Variants in AHCYL2 observed in about 807,000 individuals in gnomAD.
The protein encoded by AHCYL2 is adenosylhomocysteinase like 2.
Under a neutral mutation model 81.4 loss-of-function variants are expected in AHCYL2, and 28 were observed. That is an observed-to-expected ratio of 0.34 (90% CI 0.25 to 0.47). The LOEUF (loss-of-function observed/expected upper bound fraction) is 0.47, where lower values mean the gene tolerates loss of function less well. AHCYL2 is among the 20% of genes least tolerant of loss of function. The probability of loss-of-function intolerance (pLI) is 1.00; values close to 1 mark genes in which losing one functional copy is unlikely to be tolerated. For missense variants in AHCYL2, 551 were observed against 785.1 expected (o/e 0.70, Z 3.56); for synonymous variants, 272 against 290.2 (o/e 0.94, Z 0.64).
chr7:129,248,594 A>G (rs976308750), intron 1 of AHCYL2, among the ~76,000 whole-genome samples: 11 of 148,312 alleles, frequency 7.4e-5, no homozygotes, highest in African/African-American at 2.7e-4. Flanking sequence ...GACTGTTGGA[A>G]TTGGGTAGTA....
intron 1 of AHCYL2, among the ~76,000 whole-genome samples, chr7:129,314,963 A>G (rs921649711): frequency 3.9e-5 from 6 of 152,054 alleles, no homozygotes; most frequent in African/African-American, 1.2e-4. Context: ...CTCCTGTTAG[A>G]TTAAGATACT....
chr7:129,326,479 T>A (rs886733024), intron 1 of AHCYL2, among the ~76,000 whole-genome samples: 1 of 151,932 alleles, frequency 6.6e-6, no homozygotes. Flanking sequence ...TGAGCTGAGA[T>A]CATGCCATTA....
intron 13 of AHCYL2, among the ~76,000 whole-genome samples, chr7:129,424,269 G>A (rs80138348): frequency 0.022 from 3,372 of 151,776 alleles, 43 homozygotes; most frequent in Non-Finnish European, 0.034. Flanking sequence ...GCATGGTGGC[G>A]CACACCTGTG....
chr7:129,299,293 A>C (rs1233406885), intron 1 of AHCYL2, among the ~76,000 whole-genome samples: 3 of 149,142 alleles, frequency 2.0e-5, no homozygotes, highest in Non-Finnish European at 4.5e-5. Context: ...AAAAAAAAAA[A>C]CAAAAAACTA....
At chr7:129,417,586 T>G (rs1796918366) in intron 12 of AHCYL2, among the ~76,000 whole-genome samples, 1 of 152,238 alleles carries the variant, frequency 6.6e-6, no homozygotes, top group Non-Finnish European at 1.5e-5. Context: ...CACTTCTCTT[T>G]GTGTTCTTCT....
chr7:129,314,100 C>T (rs980242993), intron 1 of AHCYL2, among the ~76,000 whole-genome samples: 2 of 152,152 alleles, frequency 1.3e-5, no homozygotes, highest in African/African-American at 4.8e-5. Context: ...CAGCAAATGA[C>T]ATGGAGTGAC....
intron 1 of AHCYL2, among the ~76,000 whole-genome samples, chr7:129,342,137 A>G (rs1793206918): frequency 6.6e-6 from 1 of 152,220 alleles, no homozygotes; most frequent in South Asian, 2.1e-4. Context: ...AGGAAATTAT[A>G]TGCAAAAGTA....
intron 5 of AHCYL2, among the ~76,000 whole-genome samples, chr7:129,397,980 A>G (rs1795824518): frequency 6.6e-6 from 1 of 152,246 alleles, no homozygotes. Context: ...TGTGTACCCC[A>G]GTGAATTGTA....
chr7:129,307,380 C>T lies in AHCYL2; in HGVS notation c.364-72258C>T, dbSNP rs140858354. Among the ~76,000 whole-genome samples, 778 of 151,866 alleles carry T rather than the reference C, an allele frequency of 5.1e-3. 11 individuals are homozygous for T. Among genetic ancestry groups the T allele is most frequent in the African/African-American group, 0.018 (744 of 41,326 alleles). On this transcript the variant is annotated intron_variant, in intron 1 of 16. Transcript: ENST00000325006. ...CAGGCAGAGGAGTCTCTTCCCATGTCCACCACCACCACCACAGGCCTATGA... is the reference window on the plus strand; with the variant it reads ...CAGGCAGAGGAGTCTCTTCCCATGTTCACCACCACCACCACAGGCCTATGA...
At chr7:129,408,268 G>A (rs943856678) in intron 10 of AHCYL2, among the ~76,000 whole-genome samples, 12 of 152,144 alleles carry the variant, frequency 7.9e-5, no homozygotes, top group Non-Finnish European at 1.5e-5. Flanking sequence ...AATGAGATTG[G>A]GCCAGGGGTT....
chr7:129,280,178 C>CTTTTTTTTTTTTTTTTTTT (rs59849233), intron 1 of AHCYL2, among the ~76,000 whole-genome samples: 2 of 112,556 alleles, frequency 1.8e-5, no homozygotes, highest in African/African-American at 3.1e-5. Context: ...TTGCTAAATA[C>CTTTTTTTTTTTTTTTTTTT]TTTTTTTTTT....
chr7:129,363,157 T>TA (rs1166796703), intron 1 of AHCYL2, among the ~76,000 whole-genome samples: 2 of 152,206 alleles, frequency 1.3e-5, no homozygotes, highest in Non-Finnish European at 2.9e-5. Flanking sequence ...CAGGAGCCGA[T>TA]ACAGTTTGCA....
At chr7:129,381,399 G>A (rs1794949080) in intron 2 of AHCYL2, among the ~76,000 whole-genome samples, 1 of 152,152 alleles carries the variant, frequency 6.6e-6, no homozygotes, top group African/African-American at 2.4e-5. Context: ...GCACATAGTG[G>A]CTTGGCATAG....
At chr7:129,354,624 A>G (rs965799079) in intron 1 of AHCYL2, among the ~76,000 whole-genome samples, 4 of 152,196 alleles carry the variant, frequency 2.6e-5, no homozygotes, top group African/African-American at 9.7e-5. Flanking sequence ...GACATTGAGT[A>G]AGACTTGCTC....
At chr7:129,269,185 C>CGAT (rs2150726094) in intron 1 of AHCYL2, among the ~76,000 whole-genome samples, 1 of 146,834 alleles carries the variant, frequency 6.8e-6, no homozygotes, top group South Asian at 2.1e-4. Flanking sequence ...TGGTGTGGCA[C>CGAT]GATGATGGCC....
At position 129,368,202 on chromosome 7, in the gene AHCYL2, G is replaced by A. The variant is rs922616628; in HGVS notation, c.364-11436G>A. 4 of 1,245,896 alleles carry A rather than the reference G, an allele frequency of 3.2e-6. No individual in the cohort carries two copies. In the African/African-American group the frequency reaches 6.1e-5, roughly 19 times the overall value. 77.2% of individuals were successfully genotyped at this position (1,245,896 alleles called of 1,614,324 possible). On this transcript the variant is annotated intron_variant, in intron 1 of 16. Transcript: ENST00000325006. The surrounding 1 kb of genome is among the most constrained non-coding windows in gnomAD (Gnocchi z 4.4). The stretch of plus-strand genomic sequence containing the variant: ...AGAGTGTTTGGGTAGCATTAAAACA[G>A]TGAGTGCCCTGTGAGAAGCACAGTG...
In AHCYL2 at chr7:129,397,264, T is replaced by TG; in HGVS notation, c.766dup (p.Ala256GlyfsTer11). 6.2e-7 allele frequency: 1 copy of TG among 1,614,194 alleles called. No individual in the cohort carries two copies. Among genetic ancestry groups the TG allele is most frequent in the Non-Finnish European group, 8.5e-7 (1 of 1,180,022 alleles). ...GGGTGCTCTGGGGGCCCAGTGCCGA[T>TG]GGGCTGCCTGCAACATCTATTCCAC... On this transcript the variant is annotated frameshift_variant, in exon 5 of 17. Coordinates refer to ENST00000325006, the MANE Select transcript of AHCYL2 (RefSeq NM_015328.4). LOFTEE classifies it high-confidence loss of function.
intron 1 of AHCYL2, among the ~76,000 whole-genome samples, chr7:129,336,637 C>T (rs938640370): frequency 2.0e-5 from 3 of 152,046 alleles, no homozygotes; most frequent in Non-Finnish European, 2.9e-5. Context: ...AAAAGAGTAG[C>T]GCCAATTCTT....
chr7:129,270,149 A>C, intron 1 of AHCYL2, among the ~76,000 whole-genome samples: 1 of 152,320 alleles, frequency 6.6e-6, no homozygotes, highest in Middle Eastern at 3.4e-3. Context: ...TTCCTTTCTC[A>C]GTTCCTTTAG....
Sources: allele counts gnomAD v4.1 joint callset (sites outside exome capture counted in the v4.1 genomes callset), GRCh38; gene constraint gnomAD v4.1.1; non-coding constraint Gnocchi (gnomAD v3.1); transcripts MANE v1.5; gene names NCBI Gene and HGNC (gene_info 2026-07-23, HGNC 2026-07-21).